ZBTB16: variants seen among roughly 807,000 people sequenced by gnomAD.
ZBTB16 encodes zinc finger and BTB domain-containing protein 16.
A neutral mutation model predicts 56.8 loss-of-function variants in ZBTB16; 8 were observed. That is an observed-to-expected ratio of 0.14 (90% confidence interval 0.08 to 0.25). The LOEUF (loss-of-function observed/expected upper bound fraction) is 0.25. Among genes scored for constraint, ZBTB16 ranks in the 10% least tolerant of loss-of-function variants. The pLI is 1.00. For synonymous variants in ZBTB16, 363 were observed against 368.5 expected (o/e 0.98, Z 0.17); for missense variants, 625 against 903.0 (o/e 0.69, Z 3.95).
intron 4 of ZBTB16, chr11:114,209,607 G>T: frequency 4.1e-6 from 4 of 985,392 alleles, no homozygotes; most frequent in Non-Finnish European, 4.8e-6. Context: ...CTGCCTCCCT[G>T]GGGGGCTCTC....
At chr11:114,185,709 C>T (rs114944205) in intron 3 of ZBTB16, among the ~76,000 whole-genome samples, 2,886 of 152,120 alleles carry the variant, frequency 0.019, 77 homozygotes, top group African/African-American at 0.061. Flanking sequence ...CTGCACCCAA[C>T]GCAGTGGAAG....
chr11:114,186,968 T>C lies in ZBTB16; in HGVS notation c.1383T>C (p.Phe461=), dbSNP rs1373084854. ...LLAHSAGAKA[F]VCDQCGAQFS... ...TTCTTTCAGCGGGTGCCAAAGCCTTTGTCTGTGATCAGTGCGGTGCACAGT... is the reference window on the plus strand; with the variant it reads ...TTCTTTCAGCGGGTGCCAAAGCCTTCGTCTGTGATCAGTGCGGTGCACAGT... The change falls in exon 4 of 7, where the codon TTT becomes TTC. Residue 461 remains phenylalanine, a synonymous_variant. Coordinates refer to ENST00000335953, the MANE Select transcript of ZBTB16 (RefSeq NM_006006.6). 3 of 1,614,104 alleles carry C rather than the reference T, an allele frequency of 1.9e-6. No homozygotes were observed. In the South Asian group the frequency reaches 3.3e-5, roughly 18 times the overall value.
intron 2 of ZBTB16, among the ~76,000 whole-genome samples, chr11:114,093,321 C>T (rs77660877): frequency 0.047 from 6,996 of 148,466 alleles, 362 homozygotes; most frequent in East Asian, 0.28. Flanking sequence ...AGGTGAACAC[C>T]GTATTGCTGG....
chr11:114,199,767 A>G (rs1014924872), intron 4 of ZBTB16, among the ~76,000 whole-genome samples: 8 of 152,128 alleles, frequency 5.3e-5, no homozygotes, highest in Non-Finnish European at 1.0e-4. Flanking sequence ...ATTTTTCTCA[A>G]CCTTAGTTTT....
At chr11:114,170,495 C>T (rs992331360) in intron 3 of ZBTB16, among the ~76,000 whole-genome samples, 2 of 152,206 alleles carry the variant, frequency 1.3e-5, no homozygotes, top group African/African-American at 2.4e-5. Context: ...CTTTTGTTGG[C>T]TCTCTCCAGG....
intron 2 of ZBTB16, among the ~76,000 whole-genome samples, chr11:114,119,634 G>T (rs149258415): frequency 1.3e-5 from 2 of 152,094 alleles, no homozygotes. Context: ...CTTCTGTTTG[G>T]GTCTCTGCAG....
At chr11:114,104,486 G>A (rs536351368) in intron 2 of ZBTB16, among the ~76,000 whole-genome samples, 1 of 152,272 alleles carries the variant, frequency 6.6e-6, no homozygotes, top group African/African-American at 2.4e-5. Flanking sequence ...GGAAGGGAAA[G>A]GGAAGTACCC....
intron 4 of ZBTB16, among the ~76,000 whole-genome samples, chr11:114,231,649 C>T (rs1944443604): frequency 6.6e-6 from 1 of 152,156 alleles, no homozygotes; most frequent in Non-Finnish European, 1.5e-5. Context: ...CCAGCAGGTG[C>T]CCAGTCAATG....
chr11:114,233,125 A>ACACACACACACTCT (rs1443230792), intron 4 of ZBTB16, among the ~76,000 whole-genome samples: 5 of 54,718 alleles, frequency 9.1e-5, no homozygotes, highest in African/African-American at 2.6e-4. Flanking sequence ...ACACACACAC[A>ACACACACACACTCT]CTCTCTCTCT....
intron 2 of ZBTB16, among the ~76,000 whole-genome samples, chr11:114,117,896 C>A (rs1941222210): frequency 6.6e-6 from 1 of 152,196 alleles, no homozygotes; most frequent in African/African-American, 2.4e-5. Context: ...GACCTTCATT[C>A]ATGTGTGTGC....
At chr11:114,192,923 AG>A (rs1565678362) in intron 4 of ZBTB16, among the ~76,000 whole-genome samples, 1 of 152,200 alleles carries the variant, frequency 6.6e-6, no homozygotes, top group African/African-American at 2.4e-5. Context: ...CCTCTCAGCC[AG>A]GGGCAGGGGA....
rs1009955254 is a variant in ZBTB16, at chr11:114,197,045, A to G, written c.1453+10007A>G. ...TGCGGATCAATGGATCAAAGCCCCT[A>G]TTTGAAAAAGGGGGTCAGTTAAGAA... On this transcript the variant is annotated intron_variant, in intron 4 of 6. Transcript: ENST00000335953. 3.3e-5 allele frequency among the ~76,000 whole-genome samples: 5 copies of G among 152,166 alleles called. No homozygotes were observed. In the South Asian group the frequency reaches 6.2e-4, roughly 19 times the overall value.
chr11:114,224,994 T>G (rs1944301206), intron 4 of ZBTB16, among the ~76,000 whole-genome samples: 1 of 151,832 alleles, frequency 6.6e-6, no homozygotes, highest in Admixed American at 6.6e-5. Flanking sequence ...AGAGGCAACG[T>G]GGGTAGGCAG....
chr11:114,142,297 A>G (rs1941973098), intron 2 of ZBTB16, among the ~76,000 whole-genome samples: 8 of 152,166 alleles, frequency 5.3e-5, no homozygotes, highest in Admixed American at 5.2e-4. Context: ...CCCCTTCCCC[A>G]GTAGCTCTAT....
chr11:114,064,322 A>G lies in ZBTB16; in HGVS notation c.1022A>G (p.Lys341Arg), dbSNP rs188510268. 96 of 1,614,076 alleles carry G rather than the reference A, an allele frequency of 5.9e-5. 1 individual carries two copies. In the South Asian group the frequency reaches 8.2e-4, roughly 14 times the overall value. ...LGIYSVLPNH[K>R]ADAVLSMPSS... ...ATCTACTCCGTGTTGCCCAACCACA[A>G]GGCTGACGCTGTATTGAGCATGCCG... Residue 341 changes from lysine to arginine, a missense_variant, in exon 2 of 7, where the codon AAG becomes AGG. Transcript: ENST00000335953. The surrounding 1 kb of genome is among the most constrained non-coding windows in gnomAD (Gnocchi z 4.2).
At chr11:114,141,390 G>A (rs1362404680) in intron 2 of ZBTB16, among the ~76,000 whole-genome samples, 2 of 152,128 alleles carry the variant, frequency 1.3e-5, no homozygotes, top group African/African-American at 4.8e-5. Context: ...TTGACATATT[G>A]GCACATCACC....
chr11:114,163,043 T>G (rs1443591145), intron 3 of ZBTB16, among the ~76,000 whole-genome samples: 1 of 152,116 alleles, frequency 6.6e-6, no homozygotes, highest in African/African-American at 2.4e-5. Flanking sequence ...AAGCAGAAAT[T>G]AATGCAGGCT....
intron 2 of ZBTB16, among the ~76,000 whole-genome samples, chr11:114,112,663 A>G (rs1427859187): frequency 6.6e-6 from 1 of 152,160 alleles, no homozygotes; most frequent in East Asian, 1.9e-4. Context: ...TCCAGAAGGC[A>G]GTCCTACTGT....
rs76173616 is a variant in ZBTB16, at chr11:114,222,710, G to T, written c.1454-19457G>T. Reference sequence around the variant, plus strand: ...TTTATTTTCCTAGCAGGAGGGTGTTGGAGGTCATGATTTCTGAGCATGCTA... The same window carrying T: ...TTTATTTTCCTAGCAGGAGGGTGTTTGAGGTCATGATTTCTGAGCATGCTA... On this transcript the variant is annotated intron_variant, in intron 4 of 6. Transcript: ENST00000335953. 4.1e-3 allele frequency among the ~76,000 whole-genome samples: 625 copies of T among 152,316 alleles called. 1 individual carries two copies. The highest frequency in any genetic ancestry group is 0.013 in the African/African-American group (557 of 41,576).
Sources: allele counts gnomAD v4.1 joint callset (sites outside exome capture counted in the v4.1 genomes callset), GRCh38; gene constraint gnomAD v4.1.1; non-coding constraint Gnocchi (gnomAD v3.1); transcripts MANE v1.5; gene names NCBI Gene and HGNC (gene_info 2026-07-23, HGNC 2026-07-21).